The following UIMC1 variants were observed in gnomAD, a reference collection of about 807,000 sequenced individuals.
UIMC1 encodes the protein ubiquitin interaction motif containing 1.
Under a neutral mutation model 84.9 loss-of-function variants are expected in UIMC1, and 42 were observed. That is an observed-to-expected ratio of 0.49 (90% CI 0.39 to 0.64). The LOEUF (loss-of-function observed/expected upper bound fraction) is 0.64. Among genes scored for constraint, UIMC1 ranks in the 30% least tolerant of loss-of-function variants. UIMC1 has a pLI of 0.00. For synonymous variants in UIMC1, 281 were observed against 293.0 expected (o/e 0.96, Z 0.42); for missense variants, 825 against 847.6 (o/e 0.97, Z 0.33).
At chr5:176,956,114 C>A (rs1399038156) in intron 7 of UIMC1, 79 bp from the exon 8 acceptor site, 2 of 1,352,156 alleles carry the variant, frequency 1.5e-6, no homozygotes, top group South Asian at 2.5e-5. Flanking sequence ...GTGAGTCACT[C>A]ACAAAGCCAC....
chr5:176,934,394 T>A (rs780505087), intron 10 of UIMC1, among the ~76,000 whole-genome samples: 1 of 152,202 alleles, frequency 6.6e-6, no homozygotes, highest in Non-Finnish European at 1.5e-5. Flanking sequence ...TAAGCAGTCA[T>A]GTCCCTTTAC....
At chr5:176,934,365 T>C (rs1474044212) in intron 10 of UIMC1, among the ~76,000 whole-genome samples, 1 of 152,214 alleles carries the variant, frequency 6.6e-6, no homozygotes, top group Non-Finnish European at 1.5e-5. Flanking sequence ...GAATGAGTAT[T>C]AGATCAAAGG....
rs868205252 is a variant in UIMC1, at chr5:176,937,164, A to G, written c.1597+6171T>C. On this transcript the variant is annotated intron_variant, in intron 10 of 14. Transcript: ENST00000511320. The stretch of plus-strand genomic sequence containing the variant: ...ACGTGCATTTGTTCTAGTCTAGATC[A>G]ACGTAGTCAATCTTCTCCCCTCAAA... Among the ~76,000 whole-genome samples the G allele has an allele frequency of 2.0e-5, 3 of 152,330 alleles. No individual in the cohort carries two copies. In the South Asian group the frequency reaches 6.2e-4, roughly 32 times the overall value.
rs770807975 is a variant in UIMC1, at chr5:176,968,679, T to A, written c.1076A>T (p.Glu359Val). The change falls in exon 6 of 15, where the codon GAG becomes GTG. Residue 359 changes from glutamate to valine, a missense_variant. Physicochemically the swap from Glu to Val is moderately radical, Grantham distance 121. Transcript: ENST00000511320. ...AGATGCCCTAGACTCCTGCCTCTCC[T>A]CTTTGTCTTCATCTCCCATATCTTC... ...ISEDMGDEDK[E>V]ERQESRASDW... 3 of 1,614,186 alleles carry A rather than the reference T, an allele frequency of 1.9e-6. No homozygotes were observed. The highest frequency in any genetic ancestry group is 2.5e-6 in the Non-Finnish European group (3 of 1,180,020).
intron 9 of UIMC1, among the ~76,000 whole-genome samples, chr5:176,946,074 C>T (rs1373171452): frequency 1.3e-5 from 2 of 152,214 alleles, no homozygotes; most frequent in African/African-American, 4.8e-5. Context: ...CCCTCACTAA[C>T]CTACCCCTGC....
intron 10 of UIMC1, among the ~76,000 whole-genome samples, chr5:176,931,944 G>A (rs1408251477): frequency 6.6e-6 from 1 of 152,216 alleles, no homozygotes; most frequent in Non-Finnish European, 1.5e-5. Flanking sequence ...ATGCACTCCA[G>A]CCTGGGCGAC....
At chr5:176,981,514 T>C (rs1005921558) in intron 2 of UIMC1, among the ~76,000 whole-genome samples, 1 of 152,032 alleles carries the variant, frequency 6.6e-6, no homozygotes, top group Non-Finnish European at 1.5e-5. Context: ...AATATGTCAT[T>C]TTTTGGCCAG....
At chr5:176,935,971 T>C (rs1036665656) in intron 10 of UIMC1, among the ~76,000 whole-genome samples, 3 of 152,170 alleles carry the variant, frequency 2.0e-5, no homozygotes, top group African/African-American at 7.2e-5. Context: ...AGACTCAAAG[T>C]GTATACAGTT....
chr5:176,922,108 C>G (rs1394488518), intron 10 of UIMC1, among the ~76,000 whole-genome samples: 1 of 152,144 alleles, frequency 6.6e-6, no homozygotes, highest in Non-Finnish European at 1.5e-5. Context: ...ATCGAGCCCC[C>G]TTTTTCCTCT....
At chr5:176,908,746 C>T (rs756547269) in intron 11 of UIMC1, 52 bp from the exon 12 acceptor site, 1 of 1,569,582 alleles carries the variant, frequency 6.4e-7, no homozygotes, top group African/African-American at 1.4e-5. Flanking sequence ...GTGCTTTTGC[C>T]TCTGGGCCCC....
intron 9 of UIMC1, among the ~76,000 whole-genome samples, chr5:176,950,661 GGAGTTCAAT>G (rs1357578255): frequency 6.6e-6 from 1 of 151,916 alleles, no homozygotes; most frequent in African/African-American, 2.4e-5. Flanking sequence ...CTTGAGGTCA[GGAGTTCAAT>G]ACCAGCCTGG....
chr5:176,990,651 T>C (rs957279993), intron 1 of UIMC1, among the ~76,000 whole-genome samples: 1 of 152,202 alleles, frequency 6.6e-6, no homozygotes, highest in Admixed American at 6.5e-5. Flanking sequence ...TTGCCATATT[T>C]CTAATATAAA....
In UIMC1 at chr5:176,990,208, A is replaced by C. The variant is rs535123255; in HGVS notation, c.-8-7585T>G. Reference sequence around the variant, plus strand: ...AAAAAAAAAACAAAAACAAAGAAAGAAATGGGGACTTAGGGAAGTCATGAA... The same window carrying C: ...AAAAAAAAAACAAAAACAAAGAAAGCAATGGGGACTTAGGGAAGTCATGAA... On this transcript the variant is annotated intron_variant, in intron 1 of 14. Coordinates refer to ENST00000511320, the MANE Select transcript of UIMC1 (RefSeq NM_001199298.2). 3.2e-4 allele frequency among the ~76,000 whole-genome samples: 48 copies of C among 151,802 alleles called. 1 individual carries two copies. Among genetic ancestry groups the C allele is most frequent in the African/African-American group, 1.1e-3 (47 of 41,422 alleles).
intron 2 of UIMC1, among the ~76,000 whole-genome samples, chr5:176,976,987 C>T (rs1031302382): frequency 1.3e-5 from 2 of 152,066 alleles, no homozygotes; most frequent in East Asian, 1.9e-4. Context: ...CTTTGGGAGG[C>T]CCAAGCAGGC....
chr5:176,983,830 C>G (rs953474900), intron 1 of UIMC1, among the ~76,000 whole-genome samples: 1 of 150,326 alleles, frequency 6.7e-6, no homozygotes, highest in African/African-American at 2.5e-5. Context: ...GTGAGGAGCG[C>G]CTCTGCCCGG....
chr5:176,972,579 T>C (rs1159494485), intron 3 of UIMC1, among the ~76,000 whole-genome samples: 2 of 150,672 alleles, frequency 1.3e-5, no homozygotes, highest in Non-Finnish European at 1.5e-5. Flanking sequence ...CTACTAAAAA[T>C]ACAAAAATTA....
At chr5:176,990,189 A>G (rs1222594603) in intron 1 of UIMC1, among the ~76,000 whole-genome samples, 2 of 151,892 alleles carry the variant, frequency 1.3e-5, no homozygotes, top group Non-Finnish European at 2.9e-5. Context: ...ACAAAAAAAA[A>G]AAACAAAAAC....
chr5:177,006,988 A>C (rs1392390021), upstream of UIMC1, among the ~76,000 whole-genome samples: 1 of 152,214 alleles, frequency 6.6e-6, no homozygotes, highest in Non-Finnish European at 1.5e-5. Context: ...TTTTGAGGAC[A>C]ATTCCGTGTG....
chr5:176,932,193 C>T (rs1449616549), intron 10 of UIMC1, among the ~76,000 whole-genome samples: 3 of 152,146 alleles, frequency 2.0e-5, no homozygotes, highest in Non-Finnish European at 4.4e-5. Context: ...AAACACTGAA[C>T]AGTTCTAGGG....
Sources: gnomAD v4.1 joint callset for allele counts (sites outside exome capture counted in the v4.1 genomes callset) on GRCh38, gnomAD v4.1.1 for gene constraint, MANE v1.5 for transcripts, NCBI Gene and HGNC (gene_info 2026-07-23, HGNC 2026-07-21) for gene names.